Variants in WDR17 observed in about 807,000 individuals in gnomAD.
WDR17 encodes the protein WD repeat-containing protein 17.
WDR17 carries 143 observed loss-of-function variants against 161.7 expected under a neutral mutation model. The ratio of observed to expected loss-of-function variants is 0.88; its 90% CI spans 0.77 to 1.02. The LOEUF (loss-of-function observed/expected upper bound fraction) is 1.02. WDR17 is among the 50% of genes least tolerant of loss of function. The pLI is 0.00. For synonymous variants in WDR17, 517 were observed against 515.6 expected (o/e 1.00, Z -0.04); for missense variants, 1,469 against 1,520.9 (o/e 0.97, Z 0.57).
In WDR17 at chr4:176,135,268, G is replaced by T. The variant is rs1165076215; in HGVS notation, c.1259G>T (p.Trp420Leu). ...GNEGVIYSLSWAPGGLNCIAG... is the reference protein window; with the variant it reads ...GNEGVIYSLSLAPGGLNCIAG... ...GAAGGTGTTATTTATTCCCTTTCTT[G>T]GGCTCCAGGTAAGAGATATTTTATT... is the stretch of plus-strand genomic sequence containing the variant. The change falls in exon 8 of 29, where the codon TGG (tryptophan) becomes TTG (leucine). Residue 420 changes from tryptophan (W) to leucine (L), a missense_variant. Transcript: ENST00000508596. 1.2e-6 allele frequency: 2 copies of T among 1,611,564 alleles called. No individual in the cohort carries two copies. The highest frequency in any genetic ancestry group is 1.7e-5 in the Admixed American group (1 of 59,896).
At chr4:176,171,376 AG>A (rs1399660537) in intron 23 of WDR17, among the ~76,000 whole-genome samples, 1 of 152,192 alleles carries the variant, frequency 6.6e-6, no homozygotes, top group African/African-American at 2.4e-5. Context: ...TATCTAGCCA[AG>A]CACAGTACCT....
At chr4:176,138,918 C>CA in intron 9 of WDR17, among the ~76,000 whole-genome samples, 1 of 151,900 alleles carries the variant, frequency 6.6e-6, no homozygotes, top group South Asian at 2.1e-4. Context: ...GTGTGTTCCA[C>CA]AAAAAGAATT....
At chr4:176,145,132 A>C (rs1269897848) in intron 11 of WDR17, among the ~76,000 whole-genome samples, 1 of 152,216 alleles carries the variant, frequency 6.6e-6, no homozygotes, top group Admixed American at 6.5e-5. Context: ...TGTGATCCAC[A>C]GTGTGTAACT....
rs770757528 is a variant in WDR17, at chr4:176,131,600, C to A, written c.960C>A (p.Ser320Arg). The A allele has an allele frequency of 6.2e-7, 1 of 1,611,652 alleles. No homozygotes were observed. The highest frequency in any genetic ancestry group is 1.1e-5 in the South Asian group (1 of 90,786). Residue 320 changes from serine to arginine, a missense_variant, in exon 7 of 29, where the codon AGC becomes AGA. Coordinates refer to ENST00000508596, the MANE Select transcript of WDR17 (RefSeq NM_181265.4). Reference protein sequence around the residue: ...PTKNHYTSSTSEAVPPPTLTQ... With the variant: ...PTKNHYTSSTREAVPPPTLTQ... The stretch of plus-strand genomic sequence containing the variant: ...AAAATCATTATACATCCTCAACAAG[C>A]GAAGCAGTTCCACCCCCAACTTTAA...
Position 176,179,586 on chromosome 4 carries a change from A to G in WDR17, c.*7A>G. 6.5e-7 allele frequency: 1 copy of G among 1,538,018 alleles called. No homozygotes were observed. The highest frequency in any genetic ancestry group is 8.7e-7 in the Non-Finnish European group (1 of 1,143,816). On this transcript the variant is annotated 3_prime_UTR_variant, in exon 29 of 29. Transcript: ENST00000508596. ...ACGACTCAATCCATTCTGATAGAAG[A>G]TTTTTGTCCATGCTTGATTTTTTTT...
intron 1 of WDR17, among the ~76,000 whole-genome samples, chr4:176,074,851 A>G (rs1242955502): frequency 1.2e-4 from 15 of 124,538 alleles, no homozygotes; most frequent in Non-Finnish European, 1.9e-4. Context: ...TGCCTAGCAC[A>G]TAGTTATTGC....
At chr4:176,150,384 CT>C in intron 15 of WDR17, 83 bp from the exon 16 acceptor site, 1 of 1,507,938 alleles carries the variant, frequency 6.6e-7, no homozygotes, top group Non-Finnish European at 8.9e-7. Flanking sequence ...TTAGATATGC[CT>C]GCATTATAAT....
At chr4:176,078,767 A>G (rs1578993075) in intron 1 of WDR17, among the ~76,000 whole-genome samples, 1 of 152,098 alleles carries the variant, frequency 6.6e-6, no homozygotes, top group East Asian at 1.9e-4. Context: ...GTTCATTAAA[A>G]CATAGTTATA....
rs34628181 is a variant in WDR17 at position 176,182,405 on chromosome 4, G to GTATATA, written c.*2846_*2851dup. ...AATATATATATGTGCGTGTGTGTGTGTATATATATATATATATATATATAT... is the reference window on the plus strand; with the variant it reads ...AATATATATATGTGCGTGTGTGTGTGTATATATATATATATATATATATATATATAT... On this transcript the variant is annotated 3_prime_UTR_variant, in exon 29 of 29. Coordinates refer to ENST00000508596, the MANE Select transcript of WDR17 (RefSeq NM_181265.4). This position sits in a 1 kb window ranked among gnomAD's most constrained non-coding sequence, Gnocchi z 4.2. 8.2e-4 allele frequency: 122 copies of GTATATA among 148,742 alleles called. No individual in the cohort carries two copies. Among genetic ancestry groups the GTATATA allele is most frequent in the African/African-American group, 2.5e-3 (100 of 40,584 alleles). The allele number at this position is 148,742 out of a possible 1,614,324, so 9.2% of individuals were successfully genotyped here. A position where few individuals can be genotyped will look rare whatever the true frequency, so the allele number is the denominator to read the frequency against.
chr4:176,146,293 G>T, intron 12 of WDR17, 134 bp downstream of exon 12: 1 of 905,574 alleles, frequency 1.1e-6, no homozygotes, highest in Non-Finnish European at 1.5e-6. Context: ...GAATGCAGTG[G>T]CGTGATCGTG....
At chr4:176,141,344 C>G (rs898573719) in intron 10 of WDR17, among the ~76,000 whole-genome samples, 1 of 152,138 alleles carries the variant, frequency 6.6e-6, no homozygotes, top group Non-Finnish European at 1.5e-5. Context: ...TGAACTACCT[C>G]ATTTTGAAGC....
At chr4:176,106,830 A>C (rs1406255702) in intron 1 of WDR17, among the ~76,000 whole-genome samples, 1 of 152,152 alleles carries the variant, frequency 6.6e-6, no homozygotes, top group Non-Finnish European at 1.5e-5. Flanking sequence ...GCATGCCTAT[A>C]GGCCTAGCTA....
chr4:176,167,323 C>T (rs1749915136), intron 22 of WDR17, among the ~76,000 whole-genome samples: 1 of 152,118 alleles, frequency 6.6e-6, no homozygotes, highest in Admixed American at 6.5e-5. Context: ...AATGTCACCT[C>T]TTCTGTATGG....
intron 10 of WDR17, among the ~76,000 whole-genome samples, chr4:176,141,113 T>C (rs1016077560): frequency 1.3e-5 from 2 of 152,164 alleles, no homozygotes; most frequent in Admixed American, 6.5e-5. Flanking sequence ...AATCAATAGC[T>C]TTTGCACTGT....
Position 176,160,915 on chromosome 4 carries a change from C to T in WDR17, c.2663C>T (p.Ala888Val), listed in dbSNP as rs1430979306. ...CAACATTTAATTAAATTCTAGGCTG[C>T]TTGTGAAGGAAATATGCAGCCCTTA... ...LKEALLVAQA[A>V]CEGNMQPLHV... The change falls in exon 20 of 29, where the codon GCT (alanine) becomes GTT (valine). Residue 888 changes from alanine (A) to valine (V), a missense_variant. Ala to Val is a moderately conservative substitution (Grantham distance 64). Coordinates refer to ENST00000508596, the MANE Select transcript of WDR17 (RefSeq NM_181265.4). 6.3e-7 allele frequency: 1 copy of T among 1,591,644 alleles called. No individual in the cohort carries two copies. Among genetic ancestry groups the T allele is most frequent in the Non-Finnish European group, 8.5e-7 (1 of 1,169,796 alleles).
chr4:176,096,018 G>T (rs927232212), intron 1 of WDR17, among the ~76,000 whole-genome samples: 2 of 152,078 alleles, frequency 1.3e-5, no homozygotes, highest in Admixed American at 6.6e-5. Context: ...AATGTAAAAT[G>T]ATTTAACTGT....
chr4:176,176,539 T>A (rs1751478213), intron 26 of WDR17, among the ~76,000 whole-genome samples: 1 of 152,176 alleles, frequency 6.6e-6, no homozygotes, highest in South Asian at 2.1e-4. Flanking sequence ...ATCACCTCTA[T>A]GGAGGTAACT....
chr4:176,170,014 A>G (rs945502515), intron 23 of WDR17, among the ~76,000 whole-genome samples: 2 of 152,198 alleles, frequency 1.3e-5, no homozygotes, highest in East Asian at 3.9e-4. Context: ...GTAGTGTTTG[A>G]ATGTACACTA....
At chr4:176,099,990 G>A (rs556188125) in intron 1 of WDR17, among the ~76,000 whole-genome samples, 1 of 152,256 alleles carries the variant, frequency 6.6e-6, no homozygotes, top group East Asian at 1.9e-4. Flanking sequence ...TCTGTTGATA[G>A]ACACTTAAGT....
Sources: gnomAD v4.1 joint callset for allele counts (sites outside exome capture counted in the v4.1 genomes callset) on GRCh38, gnomAD v4.1.1 for gene constraint, Gnocchi (gnomAD v3.1) non-coding constraint, MANE v1.5 for transcripts, NCBI Gene and HGNC (gene_info 2026-07-23, HGNC 2026-07-21) for gene names.